The following DLGAP5 variants were observed in gnomAD, a reference collection of about 807,000 sequenced individuals.
DLGAP5 encodes the protein DLG associated protein 5.
A neutral mutation model predicts 99.6 loss-of-function variants in DLGAP5; 90 were observed. That is an observed-to-expected ratio of 0.90 (90% confidence interval 0.76 to 1.08). The LOEUF (loss-of-function observed/expected upper bound fraction) is 1.08, where lower values mean the gene tolerates loss of function less well. Among genes scored for constraint, DLGAP5 ranks in the 50% least tolerant of loss-of-function variants. The pLI is 0.00. For missense variants in DLGAP5, 1,036 were observed against 983.5 expected, an observed-to-expected ratio of 1.05 and a Z score of -0.71; for synonymous variants, 311 against 321.3, an observed-to-expected ratio of 0.97 and a Z score of 0.34.
chr14:55,164,921 CAA>C (rs764017142), intron 12 of DLGAP5, among the ~76,000 whole-genome samples: 21 of 39,160 alleles, frequency 5.4e-4, no homozygotes, highest in Non-Finnish European at 7.8e-4. Context: ...GACTCTGTCT[CAA>C]AAAAAAAAAA....
rs1383576232 is a variant in DLGAP5, at chr14:55,175,393, T to G, written c.1254A>C (p.Arg418Ser). Residue 418 changes from arginine (R) to serine (S), a missense_variant, in exon 10 of 19, where the codon AGA becomes AGC. Arg to Ser is a moderately radical substitution (Grantham distance 110). Transcript: ENST00000247191. ...LPIKEVPSLERNEGRIAQPHH... is the reference protein window; with the variant it reads ...LPIKEVPSLESNEGRIAQPHH... Reference sequence around the variant, plus strand: ...GGGGCTGAGCAATTCGACCTTCATTTCTTTCAAGTGATGGGACTTCTTTTA... The same window carrying G: ...GGGGCTGAGCAATTCGACCTTCATTGCTTTCAAGTGATGGGACTTCTTTTA... 1 of 1,608,784 alleles carries G rather than the reference T, an allele frequency of 6.2e-7. No homozygotes were observed. Among genetic ancestry groups the G allele is most frequent in the African/African-American group, 1.3e-5 (1 of 74,776 alleles).
intron 12 of DLGAP5, among the ~76,000 whole-genome samples, chr14:55,167,231 G>T (rs1882675337): frequency 7.0e-6 from 1 of 143,572 alleles, no homozygotes; most frequent in African/African-American, 2.8e-5. Flanking sequence ...TCCAGCCTGG[G>T]TGACAAAGCA....
At position 55,148,275 on chromosome 14, in the gene DLGAP5, C is replaced by G. The variant is rs1026136022; in HGVS notation, c.*76G>C. Reference sequence around the variant, plus strand: ...ATAGAAGTGAACACAAATACATTTTCTCCAAAATTTCAATAGTCTAAGGAA... The same window carrying G: ...ATAGAAGTGAACACAAATACATTTTGTCCAAAATTTCAATAGTCTAAGGAA... On this transcript the variant is annotated 3_prime_UTR_variant, in exon 19 of 19. Coordinates refer to ENST00000247191, the MANE Select transcript of DLGAP5 (RefSeq NM_014750.5). The G allele has an allele frequency of 8.3e-6, 12 of 1,446,920 alleles. No individual in the cohort carries two copies. The highest frequency in any genetic ancestry group is 1.0e-5 in the Non-Finnish European group (11 of 1,054,776). The allele number at this position is 1,446,920 out of a possible 1,614,324, so 89.6% of individuals were successfully genotyped here. A position where few individuals can be genotyped will look rare whatever the true frequency, so the allele number is the denominator to read the frequency against.
chr14:55,182,473 G>A (rs766754265), intron 3 of DLGAP5, 41 bp from the exon 4 acceptor site: 5 of 1,531,914 alleles, frequency 3.3e-6, no homozygotes, highest in Non-Finnish European at 4.5e-6. Flanking sequence ...AATATGAACT[G>A]GTAAAGGTTT....
intron 10 of DLGAP5, 22 bp downstream of exon 10, chr14:55,175,324 C>T: frequency 6.3e-7 from 1 of 1,595,680 alleles, no homozygotes; most frequent in Non-Finnish European, 8.5e-7. Flanking sequence ...AAAATTCTTA[C>T]ACTAGAAACA....
intron 14 of DLGAP5, among the ~76,000 whole-genome samples, chr14:55,156,269 A>G (rs1404589152): frequency 6.6e-6 from 1 of 152,224 alleles, no homozygotes; most frequent in Admixed American, 6.5e-5. Context: ...CATTCTGCAC[A>G]GCAAAGCAAC....
At chr14:55,184,602 A>C (rs1883372876) in intron 2 of DLGAP5, among the ~76,000 whole-genome samples, 1 of 152,190 alleles carries the variant, frequency 6.6e-6, no homozygotes, top group Non-Finnish European at 1.5e-5. Flanking sequence ...ATGACTTCTA[A>C]AACTAGGGTA....
intron 14 of DLGAP5, among the ~76,000 whole-genome samples, chr14:55,156,530 A>ATGC (rs1172091604): frequency 6.6e-6 from 1 of 152,168 alleles, no homozygotes; most frequent in African/African-American, 2.4e-5. Context: ...AAAGTCTTAA[A>ATGC]TGCAGTGATG....
rs73273605 is a variant in DLGAP5 at position 55,179,200 on chromosome 14, C to T, written c.774+429G>A. On this transcript the variant is annotated intron_variant, in intron 7 of 18. Transcript: ENST00000247191. ...ATTTAATTCTTACAACTACTCTATGCAGGTATTCCATGTTAGGAATAAGAA... is the reference window on the plus strand; with the variant it reads ...ATTTAATTCTTACAACTACTCTATGTAGGTATTCCATGTTAGGAATAAGAA... 5.4e-3 allele frequency among the ~76,000 whole-genome samples: 826 copies of T among 152,194 alleles called. 10 individuals are homozygous for T. The highest frequency in any genetic ancestry group is 0.018 in the African/African-American group (744 of 41,496).
At position 55,151,857 on chromosome 14, in the gene DLGAP5, C is replaced by A. The variant is rs1185204360; in HGVS notation, c.2206G>T (p.Asp736Tyr). ...CCTTCTTTTTTGTTAGTATTAATAT[C>A]ATCTGCTACTCCACCAGCAAGAAGA... ...LPLLAGGVAD[D>Y]INTNKKEGIS... Residue 736 changes from aspartate (D) to tyrosine (Y), a missense_variant, in exon 17 of 19, where the codon GAT becomes TAT. Asp to Tyr is a radical substitution (Grantham distance 160). Transcript: ENST00000247191. The A allele has an allele frequency of 6.2e-7, 1 of 1,613,966 alleles. No individual in the cohort carries two copies. The highest frequency in any genetic ancestry group is 1.7e-5 in the Admixed American group (1 of 60,008).
At chr14:55,168,987 T>A (rs547376557) in intron 12 of DLGAP5, among the ~76,000 whole-genome samples, 4 of 151,916 alleles carry the variant, frequency 2.6e-5, no homozygotes, top group African/African-American at 9.6e-5. Flanking sequence ...CCATCCTGGC[T>A]AACACGGTGA....
At chr14:55,169,216 G>A (rs916798212) in intron 12 of DLGAP5, among the ~76,000 whole-genome samples, 183 bp downstream of exon 12, 1 of 151,156 alleles carries the variant, frequency 6.6e-6, no homozygotes, top group Non-Finnish European at 1.5e-5. Flanking sequence ...AGAATATATG[G>A]GAGAAGAGGA....
chr14:55,155,342 T>A (rs1882174236), intron 14 of DLGAP5, among the ~76,000 whole-genome samples: 1 of 148,090 alleles, frequency 6.8e-6, no homozygotes, highest in Non-Finnish European at 1.5e-5. Flanking sequence ...AGATAACCTT[T>A]TTTTTTGTTT....
chr14:55,148,563 A>G lies in DLGAP5; in HGVS notation c.2419-90T>C, dbSNP rs757679847. The G allele has an allele frequency of 2.5e-6, 4 of 1,598,866 alleles. No individual in the cohort carries two copies. The South Asian group carries it at 4.5e-5, about 18-fold the overall frequency. On this transcript the variant is annotated intron_variant, in intron 18 of 18. Coordinates refer to ENST00000247191, the MANE Select transcript of DLGAP5 (RefSeq NM_014750.5). The stretch of plus-strand genomic sequence containing the variant: ...ACATTCTATAGTGGATTAATTAATA[A>G]CAAAAATAAACCGGGTGCGGTGGTG...
rs574602435 is a variant in DLGAP5 at position 55,170,260 on chromosome 14, T to C, written c.1387+442A>G. The stretch of plus-strand genomic sequence containing the variant: ...AATTTTTTCTAAACAGCTTCCCAAA[T>C]AAATCAGATTAAGAAACTCTTCAGA... On this transcript the variant is annotated intron_variant, in intron 11 of 18. Transcript: ENST00000247191. Among the ~76,000 whole-genome samples the C allele has an allele frequency of 3.9e-5, 6 of 152,140 alleles. No individual in the cohort carries two copies. In the South Asian group the frequency reaches 1.2e-3, roughly 31 times the overall value.
intron 13 of DLGAP5, among the ~76,000 whole-genome samples, chr14:55,160,703 A>G (rs1057475478): frequency 2.4e-4 from 37 of 151,960 alleles, no homozygotes; most frequent in Non-Finnish European, 3.8e-4. Flanking sequence ...TCAGCCTCCC[A>G]AAGTGCTGGG....
intron 15 of DLGAP5, 66 bp from the exon 16 acceptor site, chr14:55,152,713 G>A: frequency 7.3e-7 from 1 of 1,368,192 alleles, no homozygotes; most frequent in Non-Finnish European, 9.8e-7. Flanking sequence ...TGTATTTTGA[G>A]TCTTTCCTTT....
intron 18 of DLGAP5, among the ~76,000 whole-genome samples, chr14:55,149,095 GA>G (rs983362368): frequency 1.4e-4 from 22 of 152,056 alleles, no homozygotes; most frequent in African/African-American, 5.3e-4. Context: ...TTACAGAAGT[GA>G]AAAAAATATC....
At chr14:55,153,052 T>C (rs1003211623) in intron 15 of DLGAP5, among the ~76,000 whole-genome samples, 8 of 152,212 alleles carry the variant, frequency 5.3e-5, no homozygotes, top group Non-Finnish European at 1.2e-4. Context: ...TTAATCCAGG[T>C]ACCTGCTAAG....
Sources: allele counts gnomAD v4.1 joint callset (sites outside exome capture counted in the v4.1 genomes callset), GRCh38; gene constraint gnomAD v4.1.1; transcripts MANE v1.5; gene names NCBI Gene and HGNC (gene_info 2026-07-23, HGNC 2026-07-21).